Variants in TXNIP observed in about 807,000 individuals in gnomAD.
TXNIP encodes thioredoxin interacting protein.
Under a neutral mutation model 43.9 loss-of-function variants are expected in TXNIP, and 23 were observed. That is an observed-to-expected ratio of 0.52 (90% confidence interval 0.38 to 0.74). The LOEUF (loss-of-function observed/expected upper bound fraction) is 0.74. TXNIP is among the 30% of genes least tolerant of loss of function. The pLI is 0.00. For synonymous variants in TXNIP, 234 were observed against 172.2 expected (o/e 1.36, Z -2.81); for missense variants, 555 against 485.4 (o/e 1.14, Z -1.35).
chr1:145,994,765 T>C lies in TXNIP; in HGVS notation c.610A>G (p.Thr204Ala). ...TTGGGGACCACAATTCGGGAACATG[T>C]ATTCTCAAAGTCAGCATGGATGGAA... ...EISIHADFEN[T>A]CSRIVVPKAA... Residue 204 changes from threonine (T) to alanine (A), a missense_variant, in exon 5 of 8, where the codon ACA (threonine) becomes GCA (alanine). Coordinates refer to ENST00000582401, the MANE Select transcript of TXNIP (RefSeq NM_006472.6). The C allele has an allele frequency of 1.2e-6, 2 of 1,614,196 alleles. No individual in the cohort carries two copies. The highest frequency in any genetic ancestry group is 1.7e-6 in the Non-Finnish European group (2 of 1,180,028).
intron 1 of TXNIP, 102 bp from the exon 2 acceptor site, chr1:145,995,578 C>A (rs781840278): frequency 2.0e-6 from 2 of 993,478 alleles, no homozygotes; most frequent in East Asian, 2.4e-5. Context: ...TATTGAAGTA[C>A]CCCCAATTTC....
rs782167280 is a variant in TXNIP at position 145,994,107 on chromosome 1, G to C, written c.1049C>G (p.Pro350Arg). 4.3e-6 allele frequency: 7 copies of C among 1,614,078 alleles called. No individual in the cohort carries two copies. The highest frequency in any genetic ancestry group is 1.6e-4 in the Middle Eastern group (1 of 6,084). ...EDHRLESPTT[P>R]LLDDMDGSQD... ...AGAGCCATCCATGTCATCTAGCAGA[G>C]GAGTGGTTGGGCTCTCCAATCGGTG... The change falls in exon 7 of 8, where the codon CCT becomes CGT. Residue 350 changes from proline to arginine, a missense_variant. Coordinates refer to ENST00000582401, the MANE Select transcript of TXNIP (RefSeq NM_006472.6).
rs1211893044 is a variant in TXNIP at position 145,992,503 on chromosome 1, A to G, written c.*1348T>C. On this transcript the variant is annotated 3_prime_UTR_variant, in exon 8 of 8. Transcript: ENST00000582401. ...GAATATCCCCATCTGGGGTAAAAAT[A>G]TATCTGGTTAAGTACAAAATATAGT... is the stretch of plus-strand genomic sequence containing the variant. The G allele has an allele frequency of 4.6e-5, 7 of 152,672 alleles. No homozygotes were observed. Among genetic ancestry groups the G allele is most frequent in the African/African-American group, 1.4e-4 (6 of 41,462 alleles). 9.5% of individuals were successfully genotyped at this position (152,672 alleles called of 1,614,324 possible). A position where few individuals can be genotyped will look rare whatever the true frequency, so the allele number is the denominator to read the frequency against.
chr1:145,996,511 T>C lies in TXNIP; in HGVS notation c.-245A>G, dbSNP rs1553766696. On this transcript the variant is annotated 5_prime_UTR_variant, in exon 1 of 8. Coordinates refer to ENST00000582401, the MANE Select transcript of TXNIP (RefSeq NM_006472.6). Reference sequence around the variant, plus strand: ...GCTAATTCAGAGAAAAAGCCTTCTTTCCCCCAATTGCTGGAGAAAAGATCC... The same window carrying C: ...GCTAATTCAGAGAAAAAGCCTTCTTCCCCCCAATTGCTGGAGAAAAGATCC... The C allele has an allele frequency of 5.1e-6, 2 of 394,968 alleles. No homozygotes were observed. The highest frequency in any genetic ancestry group is 9.2e-6 in the Non-Finnish European group (2 of 218,214). The allele number at this position is 394,968 out of a possible 1,614,324, so 24.5% of individuals were successfully genotyped here.
In TXNIP at chr1:145,994,612, G is replaced by A. The variant is rs1651370329; in HGVS notation, c.763C>T (p.Leu255Phe). Reference sequence around the variant, plus strand: ...GAAGGCCTGATCTTCTGAACCCGAAGGCTCTTGCCACGCCATGATGCGCAT... The same window carrying A: ...GAAGGCCTGATCTTCTGAACCCGAAAGCTCTTGCCACGCCATGATGCGCAT... ...GTCASWRGKS[L>F]RVQKIRPSIL... is the part of the protein sequence containing the mutation. The change falls in exon 5 of 8, where the codon CTT becomes TTT. Residue 255 changes from leucine (L) to phenylalanine (F), a missense_variant. Transcript: ENST00000582401. 2.5e-6 allele frequency: 4 copies of A among 1,614,092 alleles called. No individual in the cohort carries two copies. Among genetic ancestry groups the A allele is most frequent in the Non-Finnish European group, 2.5e-6 (3 of 1,180,044 alleles).
Position 145,994,261 on chromosome 1 carries a change from A to C in TXNIP, c.988+20T>G, listed in dbSNP as rs960032993. 6.2e-7 allele frequency: 1 copy of C among 1,613,124 alleles called. No individual in the cohort carries two copies. Among genetic ancestry groups the C allele is most frequent in the African/African-American group, 1.3e-5 (1 of 74,876 alleles). ...CCCAGGTAGACCAGAAACAAAGAAA[A>C]GACATTAGGTCTGGCTCACCTTCTG... On this transcript the variant is annotated intron_variant, in intron 6 of 7. Transcript: ENST00000582401.
Position 145,994,587 on chromosome 1 carries a change from G to C in TXNIP, c.788C>G (p.Ser263Cys), listed in dbSNP as rs782282846. 1 of 1,614,082 alleles carries C rather than the reference G, an allele frequency of 6.2e-7. No homozygotes were observed. The highest frequency in any genetic ancestry group is 8.5e-7 in the Non-Finnish European group (1 of 1,180,038). ...KSLRVQKIRP[S>C]ILGCNILRVE... Reference sequence around the variant, plus strand: ...TCGAAGGATGTTGCAGCCCAGGATAGAAGGCCTGATCTTCTGAACCCGAAG... The same window carrying C: ...TCGAAGGATGTTGCAGCCCAGGATACAAGGCCTGATCTTCTGAACCCGAAG... Residue 263 changes from serine (S) to cysteine (C), a missense_variant, in exon 5 of 8, where the codon TCT becomes TGT. Ser to Cys is a moderately radical substitution (Grantham distance 112). Coordinates refer to ENST00000582401, the MANE Select transcript of TXNIP (RefSeq NM_006472.6).
At chr1:145,994,213 C>T in intron 6 of TXNIP, 46 bp from the exon 7 acceptor site, 1 of 1,612,978 alleles carries the variant, frequency 6.2e-7, no homozygotes, top group African/African-American at 1.3e-5. Flanking sequence ...CCAAGAAATG[C>T]TGGACCATCA....
chr1:145,995,240 C>A lies in TXNIP; in HGVS notation c.375G>T (p.Val125=). ...GGCTCGGGCGGTCAAGAAAAGCCTTCACCCAGTAGTCTACACACCCATATT... is the reference window on the plus strand; with the variant it reads ...GGCTCGGGCGGTCAAGAAAAGCCTTAACCCAGTAGTCTACACACCCATATT... ...KGKYGCVDYW[V]KAFLDRPSQP... is the part of the protein sequence containing the mutation. Residue 125 remains valine (V), a synonymous_variant, in exon 3 of 8, where the codon GTG becomes GTT. Transcript: ENST00000582401. 6.2e-7 allele frequency: 1 copy of A among 1,614,130 alleles called. No individual in the cohort carries two copies. Among genetic ancestry groups the A allele is most frequent in the South Asian group, 1.1e-5 (1 of 91,088 alleles).
chr1:145,993,800 G>C lies in TXNIP; in HGVS notation c.*51C>G. On this transcript the variant is annotated 3_prime_UTR_variant, in exon 8 of 8. Transcript: ENST00000582401. ...CTCTGAAAAAGTGAGTGTCCAGGAA[G>C]AGAGACAAAAAGAAACAAGTAGGTA... 6.2e-7 allele frequency: 1 copy of C among 1,608,736 alleles called. No homozygotes were observed. Among genetic ancestry groups the C allele is most frequent in the Non-Finnish European group, 8.5e-7 (1 of 1,175,984 alleles).
rs1219316893 is a variant in TXNIP, at chr1:145,993,669, T to C, written c.*182A>G. 4.8e-6 allele frequency: 3 copies of C among 626,038 alleles called. No individual in the cohort carries two copies. The highest frequency in any genetic ancestry group is 3.1e-5 in the Admixed American group (1 of 32,784). 38.8% of individuals were successfully genotyped at this position (626,038 alleles called of 1,614,324 possible). A position where few individuals can be genotyped will look rare whatever the true frequency, so the allele number is the denominator to read the frequency against. On this transcript the variant is annotated 3_prime_UTR_variant, in exon 8 of 8. Coordinates refer to ENST00000582401, the MANE Select transcript of TXNIP (RefSeq NM_006472.6). ...TCACAACATGGGCGCTGGCTGAGGATGAGTCCGCATCCTTTAAGGCCCAGG... is the reference window on the plus strand; with the variant it reads ...TCACAACATGGGCGCTGGCTGAGGACGAGTCCGCATCCTTTAAGGCCCAGG...
At chr1:145,995,094 T>A in intron 3 of TXNIP, 50 bp downstream of exon 3, 1 of 1,613,444 alleles carries the variant, frequency 6.2e-7, no homozygotes. Context: ...AGACGTCTGA[T>A]TTATCATCCT....
chr1:145,995,608 T>A (rs587662357), intron 1 of TXNIP, 132 bp from the exon 2 acceptor site: 2 of 842,100 alleles, frequency 2.4e-6, no homozygotes, highest in South Asian at 1.5e-5. Flanking sequence ...ATATATTTTT[T>A]AATCCATCCC....
At position 145,994,554 on chromosome 1, in the gene TXNIP, T is replaced by C; in HGVS notation, c.821A>G (p.Tyr274Cys). Reference sequence around the variant, plus strand: ...CCTGCATCTACCCACCAGTAAGGAATATTCAACTCGAAGGATGTTGCAGCC... The same window carrying C: ...CCTGCATCTACCCACCAGTAAGGAACATTCAACTCGAAGGATGTTGCAGCC... ...ILGCNILRVE[Y>C]SLLIYVSVPG... The change falls in exon 5 of 8, where the codon TAT becomes TGT. Residue 274 changes from tyrosine to cysteine, a missense_variant. Coordinates refer to ENST00000582401, the MANE Select transcript of TXNIP (RefSeq NM_006472.6). The C allele has an allele frequency of 3.1e-6, 5 of 1,614,218 alleles. No individual in the cohort carries two copies. The highest frequency in any genetic ancestry group is 4.2e-6 in the Non-Finnish European group (5 of 1,180,042).
Position 145,996,525 on chromosome 1 carries a change from G to T in TXNIP, c.-259C>A. ...AAAGCCTTCTTTCCCCCAATTGCTGGAGAAAAGATCCGATCTCCACAAGCA... is the reference window on the plus strand; with the variant it reads ...AAAGCCTTCTTTCCCCCAATTGCTGTAGAAAAGATCCGATCTCCACAAGCA... On this transcript the variant is annotated 5_prime_UTR_variant, in exon 1 of 8. Coordinates refer to ENST00000582401, the MANE Select transcript of TXNIP (RefSeq NM_006472.6). 1 of 369,778 alleles carries T rather than the reference G, an allele frequency of 2.7e-6. No homozygotes were observed. Among genetic ancestry groups the T allele is most frequent in the Non-Finnish European group, 5.0e-6 (1 of 201,592 alleles). 22.9% of individuals were successfully genotyped at this position (369,778 alleles called of 1,614,324 possible).
chr1:145,995,500 G>A (rs1553766378), intron 1 of TXNIP, 24 bp from the exon 2 acceptor site: 4 of 1,610,844 alleles, frequency 2.5e-6, no homozygotes, highest in Non-Finnish European at 1.7e-6. Context: ...AAATCGAGTA[G>A]CCATTAGGCT....
rs1000189985 is a variant in TXNIP at position 145,994,787 on chromosome 1, G to A, written c.588C>T (p.Ser196=). ...RKGFCEGDEI[S]IHADFENTCS... is the part of the protein sequence containing the mutation. ...ATGTATTCTCAAAGTCAGCATGGATGGAAATCTCATCACCTAGCAATGAGA... is the reference window on the plus strand; with the variant it reads ...ATGTATTCTCAAAGTCAGCATGGATAGAAATCTCATCACCTAGCAATGAGA... Residue 196 remains serine, a synonymous_variant, in exon 5 of 8, where the codon TCC becomes TCT. Coordinates refer to ENST00000582401, the MANE Select transcript of TXNIP (RefSeq NM_006472.6). 4 of 1,614,176 alleles carry A rather than the reference G, an allele frequency of 2.5e-6. No individual in the cohort carries two copies. The highest frequency in any genetic ancestry group is 1.3e-5 in the African/African-American group (1 of 75,046).
At chr1:145,995,756 G>A (rs1296708130) in intron 1 of TXNIP, 14 of 608,138 alleles carry the variant, frequency 2.3e-5, no homozygotes, top group African/African-American at 7.4e-5. Context: ...AGCAACTTAT[G>A]CACACATAAG....
At position 145,993,990 on chromosome 1, in the gene TXNIP, T is replaced by G. The variant is rs782618622; in HGVS notation, c.1140+26A>C. 4 of 1,613,942 alleles carry G rather than the reference T, an allele frequency of 2.5e-6. No homozygotes were observed. The Admixed American group carries it at 6.7e-5, about 27-fold the overall frequency. On this transcript the variant is annotated intron_variant, in intron 7 of 7. Transcript: ENST00000582401. ...TTCTTATAGAAAGCTTAGGACAAAT[T>G]TAACAGTAAAGATGACAATCCTCAC...
Sources: allele counts gnomAD v4.1 joint callset, GRCh38; gene constraint gnomAD v4.1.1; transcripts MANE v1.5; gene names NCBI Gene and HGNC (gene_info 2026-07-23, HGNC 2026-07-21).